B3GALT1: variants seen among roughly 807,000 people sequenced by gnomAD.
B3GALT1 encodes the protein UDP-Gal:betaGlcNAc beta 1,3-galactosyltransferase, polypeptide 1.
A neutral mutation model predicts 23.2 loss-of-function variants in B3GALT1; 10 were observed. That is an observed-to-expected ratio of 0.43 (90% CI 0.27 to 0.73). The LOEUF (loss-of-function observed/expected upper bound fraction) is 0.73, where lower values mean the gene tolerates loss of function less well. B3GALT1 is among the 30% of genes least tolerant of loss of function. B3GALT1 has a pLI of 0.21. For missense variants in B3GALT1, 299 were observed against 405.4 expected, an observed-to-expected ratio of 0.74 and a Z score of 2.25; for synonymous variants, 156 against 141.5, an observed-to-expected ratio of 1.10 and a Z score of -0.73.
chr2:167,554,603 A>G (rs980671595), intron 2 of B3GALT1, among the ~76,000 whole-genome samples: 44 of 152,144 alleles, frequency 2.9e-4, no homozygotes, highest in African/African-American at 9.9e-4. Flanking sequence ...GAAAAATACT[A>G]AGTGTATGCA....
chr2:167,783,286 G>A (rs1314397032), intron 3 of B3GALT1, among the ~76,000 whole-genome samples: 1 of 152,056 alleles, frequency 6.6e-6, no homozygotes, highest in Non-Finnish European at 1.5e-5. Flanking sequence ...AAATGTTTGT[G>A]GCCCACATGA....
At chr2:167,667,841 A>G (rs892406248) in intron 3 of B3GALT1, among the ~76,000 whole-genome samples, 1 of 152,296 alleles carries the variant, frequency 6.6e-6, no homozygotes, top group Middle Eastern at 3.4e-3. Flanking sequence ...TTCAAGTTAT[A>G]GATTCTTCTA....
chr2:167,577,112 G>T (rs1684401000), intron 2 of B3GALT1, among the ~76,000 whole-genome samples: 1 of 151,668 alleles, frequency 6.6e-6, no homozygotes, highest in African/African-American at 2.4e-5. Context: ...GGTCATATTA[G>T]CAGTTGGTGA....
At chr2:167,831,935 A>C (rs988971055) in intron 4 of B3GALT1, among the ~76,000 whole-genome samples, 2 of 152,254 alleles carry the variant, frequency 1.3e-5, no homozygotes, top group African/African-American at 4.8e-5. Flanking sequence ...TAGTTCGCCA[A>C]ATGGTTACAA....
chr2:167,821,016 G>T (rs1689094206), intron 4 of B3GALT1, among the ~76,000 whole-genome samples: 3 of 152,086 alleles, frequency 2.0e-5, no homozygotes, highest in Non-Finnish European at 1.5e-5. Flanking sequence ...CAAGAACTTT[G>T]CATGTGTGCT....
chr2:167,646,691 C>G (rs1250148829), intron 2 of B3GALT1, among the ~76,000 whole-genome samples: 4 of 152,144 alleles, frequency 2.6e-5, no homozygotes, highest in South Asian at 4.2e-4. Flanking sequence ...ACCCACTCCC[C>G]CTTGTGAGAA....
intron 4 of B3GALT1, among the ~76,000 whole-genome samples, chr2:167,852,896 T>C (rs958823045): frequency 2.6e-5 from 4 of 152,178 alleles, no homozygotes; most frequent in Non-Finnish European, 5.9e-5. Context: ...TGCACTGTGC[T>C]AGTATGCTGA....
At chr2:167,349,110 G>T (rs563435788) in intron 1 of B3GALT1, among the ~76,000 whole-genome samples, 67 of 152,268 alleles carry the variant, frequency 4.4e-4, no homozygotes, top group Non-Finnish European at 4.1e-4. Flanking sequence ...GCCATTCATG[G>T]TTTTATTTTT....
At chr2:167,365,804 C>G (rs938369576) in intron 1 of B3GALT1, among the ~76,000 whole-genome samples, 6 of 152,006 alleles carry the variant, frequency 3.9e-5, no homozygotes, top group African/African-American at 7.3e-5. Flanking sequence ...TAAAAGAAAT[C>G]AGGATGATAA....
rs545054610 is a variant in B3GALT1, at chr2:167,718,106, G to C, written c.-352+71140G>C. ...AGCATTTTGATTTGTTTGGATTATA[G>C]AGTACACAAGAGGGGAGAACAGAAA... On this transcript the variant is annotated intron_variant, in intron 3 of 4. Transcript: ENST00000392690. Among the ~76,000 whole-genome samples, 6 of 152,230 alleles carry C rather than the reference G, an allele frequency of 3.9e-5. No individual in the cohort carries two copies. In the East Asian group the frequency reaches 1.2e-3, roughly 29 times the overall value.
intron 1 of B3GALT1, among the ~76,000 whole-genome samples, chr2:167,330,888 A>G (rs1696961813): frequency 6.6e-6 from 1 of 151,776 alleles, no homozygotes; most frequent in South Asian, 2.1e-4. Flanking sequence ...CTTTGAATGT[A>G]TCAATTTGCC....
At chr2:167,424,882 G>A (rs185076684) in intron 1 of B3GALT1, among the ~76,000 whole-genome samples, 44 of 152,296 alleles carry the variant, frequency 2.9e-4, no homozygotes, top group South Asian at 1.9e-3. Context: ...CTGTGCCTTG[G>A]GGCGAGCATA....
chr2:167,386,631 C>T (rs186283763), intron 1 of B3GALT1, among the ~76,000 whole-genome samples: 2 of 152,220 alleles, frequency 1.3e-5, no homozygotes, highest in Admixed American at 6.5e-5. Context: ...AATCATGTTA[C>T]TAGCCTTATA....
intron 2 of B3GALT1, among the ~76,000 whole-genome samples, chr2:167,513,068 C>CAAAA (rs544667836): frequency 2.2e-4 from 16 of 72,478 alleles, no homozygotes; most frequent in African/African-American, 4.7e-4. Context: ...ATTCATGCCA[C>CAAAA]AAAAAAAAAA....
intron 2 of B3GALT1, among the ~76,000 whole-genome samples, chr2:167,583,918 C>A (rs760802118): frequency 6.6e-6 from 1 of 151,676 alleles, no homozygotes; most frequent in Non-Finnish European, 1.5e-5. Flanking sequence ...ACTAACCATG[C>A]CTCTAAAAAC....
At chr2:167,624,325 G>A (rs1436826795) in intron 2 of B3GALT1, among the ~76,000 whole-genome samples, 1 of 152,026 alleles carries the variant, frequency 6.6e-6, no homozygotes, top group East Asian at 1.9e-4. Context: ...CTGACCTTCA[G>A]CTTTCTTTAA....
chr2:167,358,330 T>C (rs1055022142), intron 1 of B3GALT1, among the ~76,000 whole-genome samples: 1 of 152,162 alleles, frequency 6.6e-6, no homozygotes, highest in African/African-American at 2.4e-5. Context: ...GTGACGGACA[T>C]TGAGTTTAGG....
At chr2:167,368,882 T>A (rs1322476978) in intron 1 of B3GALT1, among the ~76,000 whole-genome samples, 1 of 151,954 alleles carries the variant, frequency 6.6e-6, no homozygotes, top group Non-Finnish European at 1.5e-5. Flanking sequence ...CCATTAGGTA[T>A]TGCATGCTTC....
chr2:167,695,758 A>G (rs1006421366), intron 3 of B3GALT1, among the ~76,000 whole-genome samples: 3 of 152,142 alleles, frequency 2.0e-5, no homozygotes, highest in African/African-American at 7.2e-5. Context: ...ATAATAATCA[A>G]CACATAATGA....
Sources: gnomAD v4.1 joint callset for allele counts (sites outside exome capture counted in the v4.1 genomes callset) on GRCh38, gnomAD v4.1.1 for gene constraint, MANE v1.5 for transcripts, NCBI Gene and HGNC (gene_info 2026-07-23, HGNC 2026-07-21) for gene names.